The following STAT5B variants were observed in gnomAD, a reference collection of about 807,000 sequenced individuals.
STAT5B encodes transcription factor STAT5B.
STAT5B carries 21 observed loss-of-function variants against 107.8 expected under a neutral mutation model. The ratio of observed to expected loss-of-function variants is 0.19; its 90% CI spans 0.14 to 0.28. The LOEUF is 0.28. Among genes scored for constraint, STAT5B ranks in the 10% least tolerant of loss-of-function variants. The probability of loss-of-function intolerance (pLI) is 1.00; values close to 1 mark genes in which losing one functional copy is unlikely to be tolerated. For missense variants in STAT5B, 565 were observed against 1,008.2 expected (o/e 0.56, Z 5.95); for synonymous variants, 325 against 401.7 (o/e 0.81, Z 2.28).
intron 1 of STAT5B, among the ~76,000 whole-genome samples, chr17:42,243,859 T>C (rs2080426330): frequency 6.6e-6 from 1 of 152,052 alleles, no homozygotes; most frequent in African/African-American, 2.4e-5. Context: ...TCTTGTGCCA[T>C]GGTGGCCCAC....
Position 42,223,573 on chromosome 17 carries a change from G to A in STAT5B, c.376-17C>T, listed in dbSNP as rs1187720870. On this transcript the variant is annotated splice_polypyrimidine_tract_variant and intron_variant, in intron 4 of 18. Transcript: ENST00000293328. Reference sequence around the variant, plus strand: ...AGAGCTACCCTGGGAACATATGGGGGGCAGTGCAAGGCAGTGCGAATGGGA... The same window carrying A: ...AGAGCTACCCTGGGAACATATGGGGAGCAGTGCAAGGCAGTGCGAATGGGA... The A allele has an allele frequency of 3.7e-6, 6 of 1,612,130 alleles. No homozygotes were observed. Among genetic ancestry groups the A allele is most frequent in the Admixed American group, 3.3e-5 (2 of 59,922 alleles).
At chr17:42,226,527 G>A (rs890639793) in intron 3 of STAT5B, among the ~76,000 whole-genome samples, 7 of 151,734 alleles carry the variant, frequency 4.6e-5, no homozygotes, top group African/African-American at 1.7e-4. Context: ...GCACAGAGGG[G>A]CTGGGTGCGG....
intron 9 of STAT5B, 165 bp from the exon 10 acceptor site, chr17:42,217,629 G>A (rs2080183523): frequency 1.4e-5 from 10 of 707,802 alleles, no homozygotes; most frequent in Non-Finnish European, 2.0e-5. Context: ...CTTCTCGGAC[G>A]TATCTCTACA....
chr17:42,210,712 T>A, intron 13 of STAT5B: 1 of 544,132 alleles, frequency 1.8e-6, no homozygotes, highest in Non-Finnish European at 3.4e-6. Context: ...CAGCACCCAG[T>A]GGGCTCCTGC....
At position 42,270,314 on chromosome 17, in the gene STAT5B, G is replaced by C. The variant is rs140073766; in HGVS notation, c.-11+5934C>G. On this transcript the variant is annotated intron_variant, in intron 1 of 18. Coordinates refer to ENST00000293328, the MANE Select transcript of STAT5B (RefSeq NM_012448.4). ...GCTTTAATGCAACAAGAATAGGACA[G>C]AAATCCCCGCAAAATAAAGTTGTAA... 6.6e-3 allele frequency among the ~76,000 whole-genome samples: 1,007 copies of C among 152,248 alleles called. 18 individuals carry two copies. The highest frequency in any genetic ancestry group is 0.021 in the African/African-American group (874 of 41,540).
chr17:42,278,901 C>T (rs911622492), upstream of STAT5B, among the ~76,000 whole-genome samples: 3 of 151,850 alleles, frequency 2.0e-5, no homozygotes, highest in Non-Finnish European at 4.4e-5. Context: ...ATTGCTTGAA[C>T]CCGAGAGGCA....
chr17:42,262,820 A>C, intron 1 of STAT5B, among the ~76,000 whole-genome samples: 1 of 130,348 alleles, frequency 7.7e-6, no homozygotes, highest in Non-Finnish European at 1.6e-5. Flanking sequence ...ACACACATAT[A>C]TATGTGTATA....
Position 42,217,228 on chromosome 17 carries a change from C to T in STAT5B, c.1312G>A (p.Glu438Lys). The change falls in exon 11 of 19, where the codon GAA becomes AAA. Residue 438 changes from glutamate to lysine, a missense_variant. By Grantham distance (56) the Glu-to-Lys change is moderately conservative. Coordinates refer to ENST00000293328, the MANE Select transcript of STAT5B (RefSeq NM_012448.4). Reference protein sequence around the residue: ...DRRGAESVTEEKFTILFESQF... With the variant: ...DRRGAESVTEKKFTILFESQF... Reference sequence around the variant, plus strand: ...GATTCAAACAGGATTGTAAATTTTTCTTCTGTCACCGACTCTGCCCCACGA... The same window carrying T: ...GATTCAAACAGGATTGTAAATTTTTTTTCTGTCACCGACTCTGCCCCACGA... 1 of 1,614,178 alleles carries T rather than the reference C, an allele frequency of 6.2e-7. No individual in the cohort carries two copies. The highest frequency in any genetic ancestry group is 1.3e-5 in the African/African-American group (1 of 75,046).
At chr17:42,206,735 C>T (rs577479090) in intron 16 of STAT5B, among the ~76,000 whole-genome samples, 4 of 151,938 alleles carry the variant, frequency 2.6e-5, no homozygotes, top group Admixed American at 2.6e-4. Context: ...GCCACCATGC[C>T]AGGCTAATTT....
At chr17:42,209,544 C>CA (rs1354524162) in intron 15 of STAT5B, among the ~76,000 whole-genome samples, 1 of 152,032 alleles carries the variant, frequency 6.6e-6, no homozygotes, top group African/African-American at 2.4e-5. Flanking sequence ...GGGCAACATA[C>CA]AAAAAATTTA....
intron 12 of STAT5B, among the ~76,000 whole-genome samples, chr17:42,215,314 A>G (rs980217446): frequency 2.6e-5 from 4 of 152,188 alleles, no homozygotes; most frequent in Admixed American, 2.6e-4. Flanking sequence ...CCCAAATCCC[A>G]TTCATAGTTT....
chr17:42,204,584 A>T (rs1011813469), intron 16 of STAT5B, among the ~76,000 whole-genome samples: 2 of 152,220 alleles, frequency 1.3e-5, no homozygotes, highest in African/African-American at 4.8e-5. Context: ...ATTGGCTAAG[A>T]AGTTAAAAAC....
intron 15 of STAT5B, among the ~76,000 whole-genome samples, chr17:42,209,699 C>T (rs761676444): frequency 6.6e-6 from 1 of 151,980 alleles, no homozygotes; most frequent in African/African-American, 2.4e-5. Flanking sequence ...AAGAGTGAGA[C>T]CCTGTTTCAA....
chr17:42,217,984 G>A (rs974770685), intron 9 of STAT5B, 167 bp downstream of exon 9: 6 of 1,206,076 alleles, frequency 5.0e-6, no homozygotes, highest in African/African-American at 3.0e-5. Flanking sequence ...TGGATTACAG[G>A]TGTGAGCCAC....
At chr17:42,253,723 T>G (rs2080518865) in intron 1 of STAT5B, among the ~76,000 whole-genome samples, 1 of 152,096 alleles carries the variant, frequency 6.6e-6, no homozygotes, top group Admixed American at 6.6e-5. Flanking sequence ...TGGCCCAGAC[T>G]GGAGAGCAGT....
intron 12 of STAT5B, among the ~76,000 whole-genome samples, chr17:42,213,220 T>C (rs2080143584): frequency 1.3e-5 from 2 of 152,208 alleles, no homozygotes; most frequent in South Asian, 4.1e-4. Flanking sequence ...AATTATTTTT[T>C]TTTTTAGGTA....
At chr17:42,268,047 A>G (rs2090995545) in intron 1 of STAT5B, among the ~76,000 whole-genome samples, 1 of 152,198 alleles carries the variant, frequency 6.6e-6, no homozygotes, top group African/African-American at 2.4e-5. Flanking sequence ...AATTTTCAAA[A>G]TACATTTAAT....
chr17:42,229,310 TGGC>T, intron 2 of STAT5B, among the ~76,000 whole-genome samples: 1 of 151,760 alleles, frequency 6.6e-6, no homozygotes, highest in Non-Finnish European at 1.5e-5. Context: ...CCACCACGCC[TGGC>T]TAATTTTTGT....
chr17:42,270,485 C>G (rs2080714239), intron 1 of STAT5B: 1 of 151,864 alleles, frequency 6.6e-6, no homozygotes. Flanking sequence ...CACGGTAATG[C>G]TAGGGGAAGA....
Sources: gnomAD v4.1 joint callset for allele counts (sites outside exome capture counted in the v4.1 genomes callset) on GRCh38, gnomAD v4.1.1 for gene constraint, MANE v1.5 for transcripts, NCBI Gene and HGNC (gene_info 2026-07-23, HGNC 2026-07-21) for gene names.